The following TRHDE variants were observed in gnomAD, a reference collection of about 807,000 sequenced individuals.
The protein encoded by TRHDE is thyrotropin-releasing hormone-degrading ectoenzyme.
In TRHDE, 72 loss-of-function variants were observed where a neutral mutation model predicts 125.7. The ratio of observed to expected loss-of-function variants is 0.57; its 90% CI spans 0.47 to 0.70. The LOEUF (loss-of-function observed/expected upper bound fraction) is 0.70, where lower values mean the gene tolerates loss of function less well. Among genes scored for constraint, TRHDE ranks in the 30% least tolerant of loss-of-function variants. The pLI is 0.00. For missense variants in TRHDE, 1,110 were observed against 1,327.1 expected (o/e 0.84, Z 2.54); for synonymous variants, 509 against 509.1 (o/e 1.00, Z 0.00).
intron 12 of TRHDE, among the ~76,000 whole-genome samples, chr12:72,586,843 A>G (rs1871462114): frequency 6.6e-6 from 1 of 152,096 alleles, no homozygotes; most frequent in Non-Finnish European, 1.5e-5. Flanking sequence ...TTGTTAGTCT[A>G]GAAGTCTGTG....
At chr12:72,116,006 C>T (rs981118130) in intron 2 of TRHDE, among the ~76,000 whole-genome samples, 2 of 152,142 alleles carry the variant, frequency 1.3e-5, no homozygotes, top group Admixed American at 1.3e-4. Context: ...CACTCCCTCC[C>T]TTTCCCCCAC....
In TRHDE at chr12:72,150,172, A is replaced by G. The variant is rs531201774; in HGVS notation, n.279+44420A>G. On this transcript the variant is annotated intron_variant and non_coding_transcript_variant, in intron 2 of 4. Coordinates refer to the TRHDE transcript ENST00000548156. ...AGTAATCAAGATAATTACAAAGAGT[A>G]TTGTGTGGTTGAAGAATATAAGATA... Among the ~76,000 whole-genome samples the G allele has an allele frequency of 3.9e-5, 6 of 152,310 alleles. No homozygotes were observed. The East Asian group carries it at 1.2e-3, about 29-fold the overall frequency.
intron 2 of TRHDE, among the ~76,000 whole-genome samples, chr12:72,291,949 C>A (rs996136696): frequency 2.0e-5 from 3 of 152,114 alleles, no homozygotes; most frequent in Non-Finnish European, 4.4e-5. Flanking sequence ...ACCTATTTTT[C>A]TTTTGTATTG....
At position 72,313,520 on chromosome 12, in the gene TRHDE, G is replaced by A. The variant is rs140639404; in HGVS notation, c.1188+26566G>A. On this transcript the variant is annotated intron_variant, in intron 2 of 18. Transcript: ENST00000261180. ...TGAAATTAATTGTCATTAAAAGGGC[G>A]TTATAATTTTTATATATATTTTTTC... is the stretch of plus-strand genomic sequence containing the variant. Among the ~76,000 whole-genome samples, 239 of 152,088 alleles carry A rather than the reference G, an allele frequency of 1.6e-3. 5 individuals carry two copies. In the East Asian group the frequency reaches 0.037, roughly 23 times the overall value.
At chr12:72,531,780 A>G (rs1225566095) in intron 6 of TRHDE, among the ~76,000 whole-genome samples, 1 of 152,074 alleles carries the variant, frequency 6.6e-6, no homozygotes, top group Admixed American at 6.6e-5. Context: ...CACAGATATC[A>G]GTATTGGTAT....
intron 2 of TRHDE, among the ~76,000 whole-genome samples, chr12:72,299,210 A>T (rs1412636424): frequency 6.6e-6 from 1 of 152,190 alleles, no homozygotes; most frequent in Non-Finnish European, 1.5e-5. Context: ...CTGAAGAATC[A>T]AGTATTATTC....
At chr12:72,097,427 ATTTTCTCACTGAATTTTTT>A (rs1566212240) in intron 1 of TRHDE, among the ~76,000 whole-genome samples, 1 of 124,782 alleles carries the variant, frequency 8.0e-6, no homozygotes, top group Non-Finnish European at 1.7e-5. Flanking sequence ...TTGCAGTAGC[ATTTTCTCACTGAATTTTTT>A]TTTTTTTTTT....
At chr12:72,170,646 C>T (rs566295301) in intron 2 of TRHDE, among the ~76,000 whole-genome samples, 8 of 152,008 alleles carry the variant, frequency 5.3e-5, no homozygotes, top group Non-Finnish European at 8.8e-5. Context: ...GGACCTATTC[C>T]GACTCAAAAG....
At chr12:72,558,141 T>C (rs996922898) in intron 7 of TRHDE, among the ~76,000 whole-genome samples, 9 of 152,130 alleles carry the variant, frequency 5.9e-5, no homozygotes, top group Admixed American at 5.2e-4. Flanking sequence ...ATCATTACTC[T>C]CACGGATTTT....
intron 3 of TRHDE, among the ~76,000 whole-genome samples, chr12:72,397,773 A>G (rs903870881): frequency 3.3e-5 from 5 of 152,186 alleles, no homozygotes; most frequent in African/African-American, 9.7e-5. Flanking sequence ...TGATGACATT[A>G]TCAAAAGTAA....
chr12:72,249,888 T>G (rs942644617), intron 2 of TRHDE, among the ~76,000 whole-genome samples: 1 of 152,180 alleles, frequency 6.6e-6, no homozygotes, highest in Non-Finnish European at 1.5e-5. Context: ...AAACTTGCGG[T>G]GACTCAACAT....
At chr12:72,497,640 A>T (rs1011312688) in intron 5 of TRHDE, among the ~76,000 whole-genome samples, 14 of 152,086 alleles carry the variant, frequency 9.2e-5, no homozygotes, top group African/African-American at 3.4e-4. Context: ...TAATTTCATT[A>T]TTTTTCCCAT....
At chr12:72,556,211 C>T (rs564138665) in intron 7 of TRHDE, among the ~76,000 whole-genome samples, 3 of 152,238 alleles carry the variant, frequency 2.0e-5, no homozygotes, top group South Asian at 2.1e-4. Context: ...TTTCTTACTA[C>T]GGGTTGCCAA....
chr12:72,391,098 T>C (rs2135790957), intron 3 of TRHDE, among the ~76,000 whole-genome samples: 1 of 152,280 alleles, frequency 6.6e-6, no homozygotes, highest in Non-Finnish European at 1.5e-5. Flanking sequence ...TAAAATTGGC[T>C]ATTTTTAAAA....
chr12:72,263,347 A>C (rs1379824407), intron 2 of TRHDE: 1 of 149,070 alleles, frequency 6.7e-6, no homozygotes, highest in Non-Finnish European at 1.5e-5. Flanking sequence ...AAACTTTTTC[A>C]TGGTCCCCAG....
intron 3 of TRHDE, among the ~76,000 whole-genome samples, chr12:72,408,529 C>T (rs1269272707): frequency 6.6e-6 from 1 of 152,048 alleles, no homozygotes; most frequent in East Asian, 1.9e-4. Flanking sequence ...ACCAATCACA[C>T]ACAAATAAAC....
chr12:72,162,156 C>T (rs1876652433), intron 2 of TRHDE, among the ~76,000 whole-genome samples: 1 of 152,148 alleles, frequency 6.6e-6, no homozygotes, highest in Admixed American at 6.5e-5. Context: ...AAACGTACTA[C>T]AAGATATTTT....
chr12:72,522,878 C>T (rs558708817), intron 6 of TRHDE, among the ~76,000 whole-genome samples: 36 of 152,244 alleles, frequency 2.4e-4, no homozygotes, highest in African/African-American at 8.7e-4. Flanking sequence ...CTCTCCACAT[C>T]CCCTGATGCA....
At chr12:72,445,576 A>G (rs1343576176) in intron 3 of TRHDE, among the ~76,000 whole-genome samples, 2 of 151,920 alleles carry the variant, frequency 1.3e-5, no homozygotes, top group Non-Finnish European at 2.9e-5. Flanking sequence ...AGTGTGCCCT[A>G]TGGAAAATAA....
Sources: allele counts gnomAD v4.1 joint callset (sites outside exome capture counted in the v4.1 genomes callset), GRCh38; gene constraint gnomAD v4.1.1; transcripts MANE v1.5; gene names NCBI Gene and HGNC (gene_info 2026-07-23, HGNC 2026-07-21).